The following RBFOX1 variants were observed in gnomAD, a reference collection of about 807,000 sequenced individuals.
RBFOX1 encodes the protein RNA binding fox-1 homolog 1.
Under a neutral mutation model 57.7 loss-of-function variants are expected in RBFOX1, and 8 were observed. That is an observed-to-expected ratio of 0.14 (90% CI 0.08 to 0.25). The LOEUF (loss-of-function observed/expected upper bound fraction) is 0.25. RBFOX1 is among the 10% of genes least tolerant of loss of function. The pLI is 1.00. For missense variants in RBFOX1, 611 were observed against 548.5 expected (o/e 1.11, Z -1.14); for synonymous variants, 326 against 222.4 (o/e 1.47, Z -4.15).
chr16:7,044,640 A>T (rs2047281888), intron 3 of RBFOX1, among the ~76,000 whole-genome samples: 1 of 152,124 alleles, frequency 6.6e-6, no homozygotes, highest in South Asian at 2.1e-4. Context: ...CCGACCTTCC[A>T]CTTTACTTTT....
At chr16:6,885,778 G>C (rs943254006) in intron 3 of RBFOX1, among the ~76,000 whole-genome samples, 1 of 152,114 alleles carries the variant, frequency 6.6e-6, no homozygotes, top group African/African-American at 2.4e-5. Context: ...TGATTCACCT[G>C]CCTTGGCCTC....
At chr16:6,574,292 C>T (rs1600287477) in intron 2 of RBFOX1, among the ~76,000 whole-genome samples, 2 of 151,938 alleles carry the variant, frequency 1.3e-5, no homozygotes, top group South Asian at 2.1e-4. Flanking sequence ...GCTTTCATGC[C>T]GGCTCTGCCT....
intron 3 of RBFOX1, among the ~76,000 whole-genome samples, chr16:6,688,276 T>C (rs948632501): frequency 1.3e-5 from 2 of 151,748 alleles, no homozygotes; most frequent in Non-Finnish European, 2.9e-5. Context: ...AACAACCACA[T>C]CTCATGAGAA....
intron 1 of RBFOX1, among the ~76,000 whole-genome samples, chr16:5,417,933 T>G (rs150968063): frequency 5.3e-5 from 8 of 152,186 alleles, no homozygotes; most frequent in Admixed American, 1.3e-4. Flanking sequence ...ATACAAAAAT[T>G]CGCTGGGTGT....
At chr16:6,815,719 C>T (rs947535293) in intron 3 of RBFOX1, among the ~76,000 whole-genome samples, 1 of 152,262 alleles carries the variant, frequency 6.6e-6, no homozygotes, top group South Asian at 2.1e-4. Context: ...TTAACCATTA[C>T]CCACTCTTCT....
intron 3 of RBFOX1, among the ~76,000 whole-genome samples, chr16:6,828,234 A>C (rs1603629679): frequency 6.6e-6 from 1 of 152,142 alleles, no homozygotes; most frequent in East Asian, 1.9e-4. Flanking sequence ...ACAGCATAGT[A>C]AAAATTTCAG....
chr16:6,925,766 C>T (rs1050163946), intron 3 of RBFOX1, among the ~76,000 whole-genome samples: 9 of 151,758 alleles, frequency 5.9e-5, no homozygotes, highest in African/African-American at 1.9e-4. Flanking sequence ...ACGGGAAATC[C>T]CCCAGGTAGG....
chr16:7,550,299 G>A (rs1224238150), intron 5 of RBFOX1, among the ~76,000 whole-genome samples: 1 of 152,086 alleles, frequency 6.6e-6, no homozygotes, highest in African/African-American at 2.4e-5. Context: ...TTCCGGAGAA[G>A]GGAAGTGGTT....
chr16:6,653,805 G>C (rs1231780107), intron 2 of RBFOX1, among the ~76,000 whole-genome samples: 1 of 151,516 alleles, frequency 6.6e-6, no homozygotes, highest in East Asian at 2.0e-4. Flanking sequence ...TGGATGAGTA[G>C]ACGGATGAAT....
chr16:6,961,145 C>CACACACACACTCACACACACACACA (rs142889433), intron 3 of RBFOX1, among the ~76,000 whole-genome samples: 1 of 143,658 alleles, frequency 7.0e-6, no homozygotes, highest in Non-Finnish European at 1.5e-5. Context: ...TCACACACAC[C>CACACACACACTCACACACACACACA]CACACAGACA....
At chr16:5,326,476 T>C (rs971627305) in intron 1 of RBFOX1, among the ~76,000 whole-genome samples, 3 of 152,218 alleles carry the variant, frequency 2.0e-5, no homozygotes, top group African/African-American at 7.2e-5. Flanking sequence ...ATTTGCTCAA[T>C]AATAACCTCT....
intron 2 of RBFOX1, among the ~76,000 whole-genome samples, chr16:6,507,895 T>A (rs562006274): frequency 6.6e-6 from 1 of 152,290 alleles, no homozygotes; most frequent in South Asian, 2.1e-4. Flanking sequence ...GTTCTACAGA[T>A]GTATTGTACA....
intron 5 of RBFOX1, among the ~76,000 whole-genome samples, chr16:7,553,420 C>T (rs1259139422): frequency 6.6e-6 from 1 of 152,216 alleles, no homozygotes; most frequent in Non-Finnish European, 1.5e-5. Flanking sequence ...ACTGGGATTA[C>T]AGGCATGAGG....
intron 11 of RBFOX1, among the ~76,000 whole-genome samples, chr16:7,632,625 A>G (rs1416060121): frequency 1.3e-5 from 2 of 152,124 alleles, no homozygotes; most frequent in African/African-American, 4.8e-5. Context: ...TTCCTCGTCT[A>G]TATTATTTTC....
chr16:6,764,235 A>T (rs1425347296), intron 3 of RBFOX1, among the ~76,000 whole-genome samples: 1 of 152,230 alleles, frequency 6.6e-6, no homozygotes, highest in African/African-American at 2.4e-5. Flanking sequence ...AGCAGCTGGC[A>T]TGCAAATTGG....
At position 6,958,909 on chromosome 16, in the gene RBFOX1, A is replaced by G. The variant is rs2082383634; in HGVS notation, c.-15-93148A>G. On this transcript the variant is annotated intron_variant, in intron 3 of 15. Transcript: ENST00000550418. ...AGAAATGATACAGGTAAAATTAATG[A>G]CAAGGCGTATTCTCCATCCTGACAT... 2.0e-5 allele frequency among the ~76,000 whole-genome samples: 3 copies of G among 152,292 alleles called. No homozygotes were observed. The South Asian group carries it at 6.2e-4, about 32-fold the overall frequency.
intron 3 of RBFOX1, among the ~76,000 whole-genome samples, chr16:6,755,039 A>AT (rs1438775109): frequency 6.6e-6 from 1 of 152,122 alleles, no homozygotes; most frequent in Non-Finnish European, 1.5e-5. Flanking sequence ...TGAACTCATC[A>AT]TTTTTTATGG....
chr16:6,423,273 G>A (rs548974774), intron 2 of RBFOX1, among the ~76,000 whole-genome samples: 1 of 152,306 alleles, frequency 6.6e-6, no homozygotes, highest in Admixed American at 6.5e-5. Context: ...TTGAGAGTTT[G>A]ATAATAAATC....
intron 3 of RBFOX1, among the ~76,000 whole-genome samples, chr16:6,699,415 C>G (rs2061509528): frequency 6.6e-6 from 1 of 151,908 alleles, no homozygotes; most frequent in Non-Finnish European, 1.5e-5. Context: ...AGAGTCCAGA[C>G]CATGCTGCGT....
Sources: gnomAD v4.1 joint callset for allele counts (sites outside exome capture counted in the v4.1 genomes callset) on GRCh38, gnomAD v4.1.1 for gene constraint, MANE v1.5 for transcripts, NCBI Gene and HGNC (gene_info 2026-07-23, HGNC 2026-07-21) for gene names.